CACNA1C: variants seen among roughly 807,000 people sequenced by gnomAD.
CACNA1C encodes the protein voltage-dependent L-type calcium channel subunit alpha-1C.
In CACNA1C, 30 loss-of-function variants were observed where a neutral mutation model predicts 229.0. That is an observed-to-expected ratio of 0.13 (90% CI 0.10 to 0.18). CACNA1C has a LOEUF of 0.18. Ranked by LOEUF, CACNA1C falls within the 10% of genes least tolerant of loss-of-function variation. CACNA1C has a pLI of 1.00. For missense variants in CACNA1C, 1,658 were observed against 2,845.0 expected (o/e 0.58, Z 9.49); for synonymous variants, 1,114 against 1,132.5 (o/e 0.98, Z 0.33).
intron 1 of CACNA1C, among the ~76,000 whole-genome samples, chr12:1,972,378 G>T (rs2032665389): frequency 6.6e-6 from 1 of 152,140 alleles, no homozygotes; most frequent in Non-Finnish European, 1.5e-5. Flanking sequence ...CATTTATCTA[G>T]ATCAAGCTTT....
intron 8 of CACNA1C, 138 bp downstream of exon 8, chr12:2,505,083 TC>T: frequency 1.6e-6 from 1 of 619,934 alleles, no homozygotes; most frequent in Non-Finnish European, 2.9e-6. Context: ...GAAGTGGATG[TC>T]CTTGTCCTGG....
At chr12:2,462,059 CCT>C (rs1330388386) in intron 5 of CACNA1C, among the ~76,000 whole-genome samples, 1 of 152,148 alleles carries the variant, frequency 6.6e-6, no homozygotes, top group Non-Finnish European at 1.5e-5. Flanking sequence ...CTCCTTCCTC[CCT>C]AAGCTCACCC....
At position 2,067,133 on chromosome 12, in the gene CACNA1C, G is replaced by A. The variant is rs1485591585; in HGVS notation, c.49+13522G>A. On this transcript the variant is annotated intron_variant, in intron 1 of 46. Coordinates refer to ENST00000399655, the MANE Select transcript of CACNA1C (RefSeq NM_000719.7). This position sits in a 1 kb window ranked among gnomAD's most constrained non-coding sequence, Gnocchi z 5.3. ...TGAGACAGCTGCTGACTAGGTCTGG[G>A]GGCAAAGGGTTCTAGCTCTGTAGGA... is the stretch of plus-strand genomic sequence containing the variant. Among the ~76,000 whole-genome samples, 2 of 152,144 alleles carry A rather than the reference G, an allele frequency of 1.3e-5. No homozygotes were observed. Among genetic ancestry groups the A allele is most frequent in the Admixed American group, 6.5e-5 (1 of 15,278 alleles).
intron 7 of CACNA1C, among the ~76,000 whole-genome samples, chr12:2,503,488 G>A (rs371424592): frequency 4.6e-5 from 7 of 152,268 alleles, no homozygotes; most frequent in African/African-American, 7.2e-5. Context: ...TTATCTTCAC[G>A]TCCACCCTCC....
At chr12:2,618,807 C>T (rs2081960866) in intron 29 of CACNA1C, among the ~76,000 whole-genome samples, 1 of 152,212 alleles carries the variant, frequency 6.6e-6, no homozygotes, top group East Asian at 1.9e-4. Flanking sequence ...CACTGGAGCC[C>T]GTTCCTCTTT....
intron 3 of CACNA1C, among the ~76,000 whole-genome samples, chr12:2,221,350 G>C (rs530848761): frequency 1.3e-5 from 2 of 152,322 alleles, no homozygotes; most frequent in East Asian, 3.9e-4. Flanking sequence ...AACTGGTTGG[G>C]AGGCCAGTTG....
intron 3 of CACNA1C, among the ~76,000 whole-genome samples, chr12:2,423,621 G>T (rs555270694): frequency 6.6e-6 from 1 of 152,230 alleles, no homozygotes; most frequent in East Asian, 1.9e-4. Context: ...TAACAGCAGT[G>T]GTAGTAGTAT....
chr12:2,105,660 G>GGGT (rs2078046240), intron 1 of CACNA1C, among the ~76,000 whole-genome samples: 2 of 106,894 alleles, frequency 1.9e-5, no homozygotes, highest in African/African-American at 7.0e-5. Flanking sequence ...ACCTCAGCTG[G>GGGT]GCATCCTGAA....
At chr12:2,111,323 C>A (rs1369870890) in intron 1 of CACNA1C, among the ~76,000 whole-genome samples, 1 of 152,230 alleles carries the variant, frequency 6.6e-6, no homozygotes, top group African/African-American at 2.4e-5. Context: ...CAGGGCTCTG[C>A]ACAGCCAGCT....
intron 1 of CACNA1C, among the ~76,000 whole-genome samples, chr12:2,074,894 C>T (rs1291314550): frequency 6.6e-6 from 1 of 152,180 alleles, no homozygotes; most frequent in African/African-American, 2.4e-5. Context: ...CCATATTTGG[C>T]ATTCTGGAGC....
At chr12:2,230,029 A>ACT (rs1255811163) in intron 3 of CACNA1C, among the ~76,000 whole-genome samples, 1 of 152,124 alleles carries the variant, frequency 6.6e-6, no homozygotes, top group Non-Finnish European at 1.5e-5. Context: ...AGCTCTGAGA[A>ACT]CTGCCTTAAG....
At chr12:2,365,907 C>T (rs949048222) in intron 3 of CACNA1C, among the ~76,000 whole-genome samples, 1 of 151,986 alleles carries the variant, frequency 6.6e-6, no homozygotes, top group Non-Finnish European at 1.5e-5. Context: ...CTGACAGACC[C>T]AAAGAGCTGG....
At position 2,053,889 on chromosome 12, in the gene CACNA1C, A is replaced by G. The variant is rs1434608365; in HGVS notation, c.49+278A>G. Among the ~76,000 whole-genome samples, 2 of 150,386 alleles carry G rather than the reference A, an allele frequency of 1.3e-5. No individual in the cohort carries two copies. Among genetic ancestry groups the G allele is most frequent in the African/African-American group, 2.4e-5 (1 of 41,230 alleles). ...CTGTGAAATTCCAGGCGAGGGGGGA[A>G]AAGTTCCCCAAGTGGCTGCCGCCGC... On this transcript the variant is annotated intron_variant, in intron 1 of 46. Coordinates refer to ENST00000399655, the MANE Select transcript of CACNA1C (RefSeq NM_000719.7). This position sits in a 1 kb window ranked among gnomAD's most constrained non-coding sequence, Gnocchi z 5.8.
chr12:2,462,981 C>G (rs939843581), intron 5 of CACNA1C, among the ~76,000 whole-genome samples: 2 of 140,744 alleles, frequency 1.4e-5, no homozygotes, highest in African/African-American at 5.4e-5. Flanking sequence ...GGTGTGATCT[C>G]GGCTCACTGT....
intron 5 of CACNA1C, among the ~76,000 whole-genome samples, chr12:2,466,046 C>T (rs979999839): frequency 5.3e-5 from 8 of 152,170 alleles, no homozygotes; most frequent in South Asian, 2.1e-4. Flanking sequence ...GTGAACCACA[C>T]GCATCCCGAG....
chr12:2,249,417 ACTGT>A (rs1172537702), intron 3 of CACNA1C, among the ~76,000 whole-genome samples: 2 of 152,200 alleles, frequency 1.3e-5, no homozygotes, highest in African/African-American at 4.8e-5. Flanking sequence ...TGTGACAGAG[ACTGT>A]CTGTCCTACA....
rs148280413 is a variant in CACNA1C at position 2,484,714 on chromosome 12, C to T, written c.758-1390C>T. ...GGAAGACGTCCCCCACCCCCCACCC[C>T]CAGCAGATGCCCTGAAAGCCGCTTT... On this transcript the variant is annotated intron_variant, in intron 5 of 46. Transcript: ENST00000399655. Among the ~76,000 whole-genome samples the T allele has an allele frequency of 4.9e-3, 632 of 129,738 alleles. 6 individuals carry two copies. Among genetic ancestry groups the T allele is most frequent in the African/African-American group, 0.017 (601 of 35,388 alleles). The allele number at this position is 129,738 out of a possible 152,430, so 85.1% of individuals were successfully genotyped here.
intron 3 of CACNA1C, among the ~76,000 whole-genome samples, chr12:2,380,840 G>A (rs150910981): frequency 5.4e-4 from 82 of 152,286 alleles, no homozygotes; most frequent in African/African-American, 1.9e-3. Context: ...AGTGGGTGGG[G>A]GGCAATGTCC....
At chr12:2,146,903 C>T (rs1352062170) in intron 3 of CACNA1C, among the ~76,000 whole-genome samples, 1 of 150,776 alleles carries the variant, frequency 6.6e-6, no homozygotes, top group Non-Finnish European at 1.5e-5. Context: ...GTTAACTGGA[C>T]CCAAGCAGGG....
Sources: allele counts gnomAD v4.1 joint callset (sites outside exome capture counted in the v4.1 genomes callset), GRCh38; gene constraint gnomAD v4.1.1; non-coding constraint Gnocchi (gnomAD v3.1); transcripts MANE v1.5; gene names NCBI Gene and HGNC (gene_info 2026-07-23, HGNC 2026-07-21).